CSRNP3: variants seen among roughly 807,000 people sequenced by gnomAD.
CSRNP3 encodes the protein cysteine and serine rich nuclear protein 3.
In CSRNP3, 12 loss-of-function variants were observed where a neutral mutation model predicts 48.0. That is an observed-to-expected ratio of 0.25 (90% CI 0.16 to 0.41). CSRNP3 has a LOEUF of 0.41. CSRNP3 is among the 10% of genes least tolerant of loss of function. The probability of loss-of-function intolerance (pLI) is 1.00; values close to 1 mark genes in which losing one functional copy is unlikely to be tolerated. For missense variants in CSRNP3, 580 were observed against 724.4 expected (o/e 0.80, Z 2.29); for synonymous variants, 263 against 269.7 (o/e 0.98, Z 0.24).
chr2:165,552,252 T>A (rs1310155044), intron 3 of CSRNP3, among the ~76,000 whole-genome samples: 1 of 152,226 alleles, frequency 6.6e-6, no homozygotes, highest in East Asian at 1.9e-4. Context: ...TCTCAATTAA[T>A]GTAAATGTGT....
intron 4 of CSRNP3, among the ~76,000 whole-genome samples, chr2:165,626,388 CA>C (rs1448180359): frequency 2.0e-5 from 3 of 152,132 alleles, no homozygotes; most frequent in Non-Finnish European, 2.9e-5. Context: ...AATACAAATA[CA>C]AAGGTCCAAA....
intron 4 of CSRNP3, among the ~76,000 whole-genome samples, chr2:165,653,524 G>A (rs961095808): frequency 6.6e-6 from 1 of 152,090 alleles, no homozygotes; most frequent in African/African-American, 2.4e-5. Context: ...TTAGGGAAAA[G>A]GTAATTTGGC....
At chr2:165,634,700 G>A (rs1302854806) in intron 4 of CSRNP3, among the ~76,000 whole-genome samples, 1 of 152,238 alleles carries the variant, frequency 6.6e-6, no homozygotes, top group Non-Finnish European at 1.5e-5. Context: ...TGTGCTAGGT[G>A]CTAATAATTT....
At chr2:165,493,618 G>C (rs1446365888) in intron 1 of CSRNP3, among the ~76,000 whole-genome samples, 1 of 152,120 alleles carries the variant, frequency 6.6e-6, no homozygotes, top group Non-Finnish European at 1.5e-5. Flanking sequence ...GCCGGAGTTA[G>C]AGGAGATTAA....
intron 2 of CSRNP3, among the ~76,000 whole-genome samples, chr2:165,513,388 T>G (rs935248702): frequency 1.1e-4 from 16 of 152,264 alleles, no homozygotes; most frequent in African/African-American, 3.1e-4. Flanking sequence ...GTATTTGGGT[T>G]GTGATGTGTG....
intron 5 of CSRNP3, among the ~76,000 whole-genome samples, chr2:165,671,224 A>G (rs1473733326): frequency 6.6e-6 from 1 of 152,242 alleles, no homozygotes; most frequent in Non-Finnish European, 1.5e-5. Flanking sequence ...TTGACTAACT[A>G]AAGTCTGAAC....
In CSRNP3 at chr2:165,595,199, C is replaced by A; in HGVS notation, c.134C>A (p.Ser45Tyr). The A allele has an allele frequency of 6.2e-7, 1 of 1,612,038 alleles. No homozygotes were observed. The highest frequency in any genetic ancestry group is 8.5e-7 in the Non-Finnish European group (1 of 1,178,460). Reference sequence around the variant, plus strand: ...GGGGACAGTGTCAATCCATCCACTTCTAGTCATTTTACCCGTGAGTACTGA... The same window carrying A: ...GGGGACAGTGTCAATCCATCCACTTATAGTCATTTTACCCGTGAGTACTGA... ...DSGDSVNPST[S>Y]SHFTPSSILK... Residue 45 changes from serine to tyrosine, a missense_variant, in exon 4 of 7, where the codon TCT (serine) becomes TAT (tyrosine). Physicochemically the swap from Ser to Tyr is moderately radical, Grantham distance 144 (BLOSUM62 -2). This residue lies in a region of CSRNP3 where 83 missense variants were observed against 139.6 expected (regional missense o/e 0.59). Coordinates refer to ENST00000651982, the MANE Select transcript of CSRNP3 (RefSeq NM_001172173.2).
chr2:165,526,919 T>C (rs535617087), intron 3 of CSRNP3, among the ~76,000 whole-genome samples: 14 of 152,118 alleles, frequency 9.2e-5, no homozygotes, highest in African/African-American at 2.9e-4. Context: ...GAATTCCAAA[T>C]ATAAAAAAAG....
At chr2:165,587,356 G>T (rs891368740) in intron 3 of CSRNP3, among the ~76,000 whole-genome samples, 5 of 152,208 alleles carry the variant, frequency 3.3e-5, no homozygotes, top group African/African-American at 1.2e-4. Flanking sequence ...AGATAAATTG[G>T]TGACAGATGA....
chr2:165,685,150 G>A lies in CSRNP3; in HGVS notation c.*5397G>A, dbSNP rs1455950773. 6.6e-6 allele frequency: 1 copy of A among 151,980 alleles called. No homozygotes were observed. The highest frequency in any genetic ancestry group is 1.5e-5 in the Non-Finnish European group (1 of 67,954). 9.4% of individuals were successfully genotyped at this position (151,980 alleles called of 1,614,324 possible). A position where few individuals can be genotyped will look rare whatever the true frequency, so the allele number is the denominator to read the frequency against. On this transcript the variant is annotated 3_prime_UTR_variant, in exon 7 of 7. Transcript: ENST00000651982. ...TTCATGATTGTCAAAAGTAAAAAGT[G>A]CAGACATTTAAAAAAGCTCTTCTTT...
chr2:165,537,847 C>T (rs1459206133), intron 3 of CSRNP3, among the ~76,000 whole-genome samples: 2 of 151,890 alleles, frequency 1.3e-5, no homozygotes, highest in Non-Finnish European at 2.9e-5. Flanking sequence ...AGATTTACCA[C>T]TTGCCTTCCA....
chr2:165,529,742 T>C (rs1391611477), intron 3 of CSRNP3, among the ~76,000 whole-genome samples: 3 of 152,118 alleles, frequency 2.0e-5, no homozygotes, highest in African/African-American at 7.3e-5. Flanking sequence ...GCAAGAAATA[T>C]GCCTTATTTA....
intron 4 of CSRNP3, among the ~76,000 whole-genome samples, chr2:165,613,998 G>A (rs756796059): frequency 8.6e-5 from 13 of 151,872 alleles, no homozygotes; most frequent in Non-Finnish European, 1.5e-4. Flanking sequence ...TAGTATGGTC[G>A]TTTTAACAAT....
At chr2:165,471,871 A>T (rs1339206788) in intron 1 of CSRNP3, among the ~76,000 whole-genome samples, 1 of 151,988 alleles carries the variant, frequency 6.6e-6, no homozygotes, top group East Asian at 1.9e-4. Flanking sequence ...AGAAAAAAAA[A>T]GCATGAAAGA....
chr2:165,672,521 C>T (rs1162116264), intron 5 of CSRNP3, among the ~76,000 whole-genome samples: 1 of 152,118 alleles, frequency 6.6e-6, no homozygotes, highest in Admixed American at 6.5e-5. Context: ...GAAAAACCAC[C>T]CCCATGATTC....
intron 4 of CSRNP3, among the ~76,000 whole-genome samples, chr2:165,598,535 T>C (rs534816017): frequency 6.6e-6 from 1 of 152,342 alleles, no homozygotes; most frequent in Non-Finnish European, 1.5e-5. Flanking sequence ...TGTGTTTATG[T>C]TTGCAAAACA....
In CSRNP3 at chr2:165,650,462, A is replaced by G. The variant is rs184127001; in HGVS notation, c.149-7299A>G. Among the ~76,000 whole-genome samples the G allele has an allele frequency of 6.2e-3, 942 of 152,354 alleles. 10 individuals are homozygous for G. Among genetic ancestry groups the G allele is most frequent in the Non-Finnish European group, 6.2e-3 (421 of 68,036 alleles). On this transcript the variant is annotated intron_variant, in intron 4 of 6. Coordinates refer to ENST00000651982, the MANE Select transcript of CSRNP3 (RefSeq NM_001172173.2). ...GAGCATATGATCACAGGAAATTTAC[A>G]GAAGTCATTTGTAAATGTTAAGTTA... is the stretch of plus-strand genomic sequence containing the variant.
chr2:165,686,513 G>A lies in CSRNP3; in HGVS notation c.*6760G>A, dbSNP rs1687633857. The A allele has an allele frequency of 6.6e-6, 1 of 151,668 alleles. No homozygotes were observed. Among genetic ancestry groups the A allele is most frequent in the Non-Finnish European group, 1.5e-5 (1 of 67,884 alleles). 9.4% of individuals were successfully genotyped at this position (151,668 alleles called of 1,614,324 possible). On this transcript the variant is annotated 3_prime_UTR_variant, in exon 7 of 7. Coordinates refer to ENST00000651982, the MANE Select transcript of CSRNP3 (RefSeq NM_001172173.2). ...CAACTTTATTTAATAAAAAAGAGAA[G>A]AAAAAATAAAATCTAAATCTCAATT...
rs11885784 is a variant in CSRNP3 at position 165,485,343 on chromosome 2, A to G, written c.-282-9416A>G. On this transcript the variant is annotated intron_variant, in intron 1 of 6. Coordinates refer to ENST00000651982, the MANE Select transcript of CSRNP3 (RefSeq NM_001172173.2). ...GATTTTATATTAGATAAAGAAATCA[A>G]TTAAACACCTATATAGTGCAACAAT... Among the ~76,000 whole-genome samples the G allele has an allele frequency of 8.5e-3, 1,293 of 152,346 alleles. 22 individuals are homozygous for G. The highest frequency in any genetic ancestry group is 0.029 in the African/African-American group (1,202 of 41,572).
Sources: gnomAD v4.1 joint callset for allele counts (sites outside exome capture counted in the v4.1 genomes callset) on GRCh38, gnomAD v4.1.1 for gene constraint, gnomAD v4.1.1 regional missense constraint, MANE v1.5 for transcripts, NCBI Gene and HGNC (gene_info 2026-07-23, HGNC 2026-07-21) for gene names.